Variants in RFFL observed in about 807,000 individuals in gnomAD.
RFFL encodes the protein ring finger and FYVE like domain containing E3 ubiquitin protein ligase, also known as E3 ubiquitin-protein ligase rififylin.
RFFL carries 16 observed loss-of-function variants against 40.4 expected under a neutral mutation model. That is an observed-to-expected ratio of 0.40 (90% CI 0.27 to 0.60). The LOEUF (loss-of-function observed/expected upper bound fraction) is 0.60, where lower values mean the gene tolerates loss of function less well. Ranked by LOEUF, RFFL falls within the 20% of genes least tolerant of loss-of-function variation. The pLI is 0.47. For missense variants in RFFL, 367 were observed against 451.7 expected, an observed-to-expected ratio of 0.81 and a Z score of 1.70; for synonymous variants, 154 against 167.9, an observed-to-expected ratio of 0.92 and a Z score of 0.64.
chr17:35,015,224 C>G (rs2090966124), intron 5 of RFFL, among the ~76,000 whole-genome samples: 1 of 152,216 alleles, frequency 6.6e-6, no homozygotes, highest in South Asian at 2.1e-4. Context: ...GCCTCAGCCT[C>G]CCAGAGTGCT....
At chr17:35,034,623 T>G (rs1405342414) in intron 1 of RFFL, among the ~76,000 whole-genome samples, 1 of 151,694 alleles carries the variant, frequency 6.6e-6, no homozygotes, top group Non-Finnish European at 1.5e-5. Context: ...CCACCTCCCA[T>G]GTTAAAGCGA....
intron 1 of RFFL, among the ~76,000 whole-genome samples, chr17:35,050,217 G>A (rs934222204): frequency 8.6e-5 from 13 of 152,022 alleles, no homozygotes; most frequent in African/African-American, 3.1e-4. Flanking sequence ...CTGCACTCCA[G>A]CCTGGGTGAG....
chr17:35,053,982 C>G (rs542083527), intron 1 of RFFL, among the ~76,000 whole-genome samples: 2 of 152,292 alleles, frequency 1.3e-5, no homozygotes, highest in Admixed American at 6.5e-5. Context: ...AGGTTCTCCA[C>G]AAAATACATT....
At chr17:35,065,286 C>A (rs1415702747), upstream of RFFL, among the ~76,000 whole-genome samples, 1 of 152,022 alleles carries the variant, frequency 6.6e-6, no homozygotes. Context: ...CCGGGCACAG[C>A]GGTTCACGCC....
chr17:35,050,597 G>A (rs1350438484), intron 1 of RFFL, among the ~76,000 whole-genome samples: 3 of 150,476 alleles, frequency 2.0e-5, no homozygotes, highest in Admixed American at 6.6e-5. Context: ...GGGCTCAAGC[G>A]ATCCTCCCGC....
chr17:35,026,702 G>T (rs1306304182), intron 1 of RFFL, 141 bp from the exon 2 acceptor site: 3 of 674,498 alleles, frequency 4.4e-6, no homozygotes, highest in Non-Finnish European at 7.4e-6. Flanking sequence ...TTTTCAAACA[G>T]ATTTTGTTTT....
At chr17:35,060,242 C>G (rs2091283405) in intron 1 of RFFL, among the ~76,000 whole-genome samples, 1 of 152,192 alleles carries the variant, frequency 6.6e-6, no homozygotes. Flanking sequence ...ATCAAGGTCT[C>G]TAACCACAAC....
upstream of RFFL, among the ~76,000 whole-genome samples, chr17:35,067,181 A>G (rs2091324779): frequency 6.7e-6 from 1 of 150,352 alleles, no homozygotes. Context: ...GCAATGGTGC[A>G]ATCTCAGCTC....
chr17:35,017,128 C>T (rs2090978842), intron 4 of RFFL, among the ~76,000 whole-genome samples: 3 of 152,094 alleles, frequency 2.0e-5, no homozygotes, highest in Non-Finnish European at 4.4e-5. Context: ...GCCACAGCTC[C>T]CTGGTCTGTG....
In RFFL at chr17:35,009,213, A is replaced by ATCT. The variant is rs1182856407; in HGVS notation, c.*2752_*2754dup. 2.0e-5 allele frequency: 3 copies of ATCT among 152,776 alleles called. No individual in the cohort carries two copies. The highest frequency in any genetic ancestry group is 2.9e-5 in the Non-Finnish European group (2 of 68,022). The allele number at this position is 152,776 out of a possible 1,614,324, so 9.5% of individuals were successfully genotyped here. A position where few individuals can be genotyped will look rare whatever the true frequency, so the allele number is the denominator to read the frequency against. ...TTAACCTCCAAGTAAGTCTGAGAAA[A>ATCT]TCTTAATAAAAGCCACTTGAAGTAA... On this transcript the variant is annotated 3_prime_UTR_variant, in exon 7 of 7. Coordinates refer to ENST00000394597, the MANE Select transcript of RFFL (RefSeq NM_001017368.2).
At chr17:35,072,698 AGT>A (rs2091356995) in intron 1 of RFFL, among the ~76,000 whole-genome samples, 1 of 152,094 alleles carries the variant, frequency 6.6e-6, no homozygotes, top group Admixed American at 6.6e-5. Context: ...GGAACTGTGT[AGT>A]GTTTTTGCAA....
chr17:35,071,854 G>T (rs2091352523), intron 1 of RFFL, among the ~76,000 whole-genome samples: 1 of 152,114 alleles, frequency 6.6e-6, no homozygotes, highest in African/African-American at 2.4e-5. Flanking sequence ...TACACACCAT[G>T]GAATACTACT....
intron 1 of RFFL, among the ~76,000 whole-genome samples, chr17:35,036,927 C>A (rs2091127172): frequency 6.6e-6 from 1 of 152,164 alleles, no homozygotes. Context: ...AAGGGCCATG[C>A]TGGTTTGCAA....
intron 1 of RFFL, among the ~76,000 whole-genome samples, chr17:35,035,626 T>G (rs1160943017): frequency 6.6e-6 from 1 of 150,772 alleles, no homozygotes; most frequent in Non-Finnish European, 1.5e-5. Context: ...ACTCTTTATA[T>G]ACCTATATCT....
At chr17:35,045,038 CAT>C (rs1449826155) in intron 1 of RFFL, among the ~76,000 whole-genome samples, 1 of 148,630 alleles carries the variant, frequency 6.7e-6, no homozygotes. Flanking sequence ...TGCCTGGCCT[CAT>C]AGAATCTTAT....
At chr17:35,044,868 C>T (rs1217307609) in intron 1 of RFFL, among the ~76,000 whole-genome samples, 1 of 123,714 alleles carries the variant, frequency 8.1e-6, no homozygotes, top group Non-Finnish European at 1.6e-5. Context: ...TGTCTGTGCT[C>T]TCATAACATT....
chr17:35,007,442 C>G lies in RFFL; in HGVS notation c.*4526G>C, dbSNP rs951005862. ...CTCTCCAGCAGAATGCTGGAGGCCT[C>G]CCTCTTCTGAACCTCTACATGCTGC... On this transcript the variant is annotated 3_prime_UTR_variant, in exon 7 of 7. Coordinates refer to ENST00000394597, the MANE Select transcript of RFFL (RefSeq NM_001017368.2). 6.6e-6 allele frequency: 1 copy of G among 152,214 alleles called. No homozygotes were observed. The highest frequency in any genetic ancestry group is 1.9e-4 in the East Asian group (1 of 5,182). The allele number at this position is 152,214 out of a possible 1,614,324, so 9.4% of individuals were successfully genotyped here.
intron 1 of RFFL, among the ~76,000 whole-genome samples, chr17:35,049,039 C>G (rs564614490): frequency 6.6e-6 from 1 of 152,174 alleles, no homozygotes; most frequent in East Asian, 1.9e-4. Flanking sequence ...GCCAAGAACA[C>G]CTGTGTTCAG....
chr17:35,038,932 G>C (rs933826232), intron 1 of RFFL, among the ~76,000 whole-genome samples: 1 of 152,122 alleles, frequency 6.6e-6, no homozygotes, highest in Non-Finnish European at 1.5e-5. Flanking sequence ...TTTGAGATAG[G>C]GTGTCTCACT....
Sources: allele counts gnomAD v4.1 joint callset (sites outside exome capture counted in the v4.1 genomes callset), GRCh38; gene constraint gnomAD v4.1.1; transcripts MANE v1.5; gene names NCBI Gene and HGNC (gene_info 2026-07-23, HGNC 2026-07-21).